Variants in PTPRN2 observed in about 807,000 individuals in gnomAD.
The protein encoded by PTPRN2 is protein tyrosine phosphatase receptor type N2, also known as receptor-type tyrosine-protein phosphatase N2.
In PTPRN2, 74 loss-of-function variants were observed where a neutral mutation model predicts 118.8. The ratio of observed to expected loss-of-function variants is 0.62; its 90% CI spans 0.52 to 0.76. The LOEUF (loss-of-function observed/expected upper bound fraction) is 0.76. Ranked by LOEUF, PTPRN2 falls within the 30% of genes least tolerant of loss-of-function variation. The pLI is 0.00. For synonymous variants in PTPRN2, 641 were observed against 608.0 expected (o/e 1.05, Z -0.80); for missense variants, 1,481 against 1,394.4 (o/e 1.06, Z -0.99).
intron 1 of PTPRN2, among the ~76,000 whole-genome samples, chr7:158,554,135 A>G (rs1826832207): frequency 6.6e-6 from 1 of 152,192 alleles, no homozygotes. Context: ...ATGTGGTGGC[A>G]TGTGCCTGTA....
Position 158,017,464 on chromosome 7 carries a change from G to A in PTPRN2, c.1723+63834C>T, listed in dbSNP as rs118170937. ...GAGAGGGGTGCCCAGGAGCACCTGTGTGCAGGGAGTCCAGGCCTGAACTAG... is the reference window on the plus strand; with the variant it reads ...GAGAGGGGTGCCCAGGAGCACCTGTATGCAGGGAGTCCAGGCCTGAACTAG... On this transcript the variant is annotated intron_variant, in intron 11 of 22. Transcript: ENST00000389418. Among the ~76,000 whole-genome samples the A allele has an allele frequency of 3.7e-3, 559 of 152,312 alleles. 3 individuals are homozygous for A. Among genetic ancestry groups the A allele is most frequent in the Non-Finnish European group, 6.2e-3 (422 of 68,006 alleles).
chr7:157,663,033 T>C (rs1795970551), intron 13 of PTPRN2, among the ~76,000 whole-genome samples: 2 of 151,820 alleles, frequency 1.3e-5, no homozygotes, highest in South Asian at 4.2e-4. Flanking sequence ...AACTGAAGAG[T>C]GTCCTGCCTC....
intron 11 of PTPRN2, among the ~76,000 whole-genome samples, chr7:158,068,020 C>G (rs918199642): frequency 6.6e-6 from 1 of 152,026 alleles, no homozygotes; most frequent in Non-Finnish European, 1.5e-5. Flanking sequence ...TGGGAGATGG[C>G]AGGACCGGGT....
chr7:158,557,324 G>T (rs1241497431), intron 1 of PTPRN2, among the ~76,000 whole-genome samples: 8 of 128,266 alleles, frequency 6.2e-5, no homozygotes, highest in African/African-American at 2.5e-4. Flanking sequence ...CCCGCGCAGG[G>T]CAGGCGGCTC....
chr7:158,295,086 A>G (rs1402624201), intron 3 of PTPRN2, among the ~76,000 whole-genome samples: 1 of 142,684 alleles, frequency 7.0e-6, no homozygotes, highest in Non-Finnish European at 1.5e-5. Flanking sequence ...CTGCCCAGAC[A>G]TTGCACCACA....
intron 12 of PTPRN2, among the ~76,000 whole-genome samples, chr7:157,833,577 C>T (rs1474754844): frequency 6.6e-6 from 1 of 151,708 alleles, no homozygotes; most frequent in Non-Finnish European, 1.5e-5. Context: ...CCATCTATCC[C>T]ATATGATTGT....
At chr7:157,685,442 C>A (rs1797139514) in intron 12 of PTPRN2, among the ~76,000 whole-genome samples, 2 of 152,208 alleles carry the variant, frequency 1.3e-5, no homozygotes, top group African/African-American at 4.8e-5. Context: ...CCAGGCTGTG[C>A]GCGCGGGTGT....
rs1563387386 is a variant in PTPRN2, at chr7:158,521,608, CA to C, written c.113-31824del. Among the ~76,000 whole-genome samples the C allele has an allele frequency of 8.2e-5, 10 of 122,298 alleles. 2 individuals are homozygous for C. The South Asian group carries it at 9.2e-4, about 11-fold the overall frequency. 80.2% of individuals were successfully genotyped at this position (122,298 alleles called of 152,430 possible). On this transcript the variant is annotated intron_variant, in intron 1 of 22. Transcript: ENST00000389418. ...GTCCACGTCACAATGGTGGACTGTC[CA>C]GGTAGTGGCTCAGGAGGGAGGTCCA...
chr7:157,687,560 A>C (rs907741183), intron 12 of PTPRN2, among the ~76,000 whole-genome samples: 6 of 152,168 alleles, frequency 3.9e-5, no homozygotes, highest in Admixed American at 6.5e-5. Flanking sequence ...GCCTCATCCT[A>C]TCTTTGTGTG....
rs536995215 is a variant in PTPRN2 at position 158,122,738 on chromosome 7, G to C, written c.1556+10939C>G. Reference sequence around the variant, plus strand: ...GTCATTGCCCAAAATTACACTACTAGGAAACTCCCAGGAGAAAAGCTCAAA... The same window carrying C: ...GTCATTGCCCAAAATTACACTACTACGAAACTCCCAGGAGAAAAGCTCAAA... On this transcript the variant is annotated intron_variant, in intron 9 of 22. Coordinates refer to ENST00000389418, the MANE Select transcript of PTPRN2 (RefSeq NM_002847.5). 4.2e-4 allele frequency among the ~76,000 whole-genome samples: 64 copies of C among 152,260 alleles called. 1 individual carries two copies. In the South Asian group the frequency reaches 0.013, roughly 30 times the overall value.
intron 12 of PTPRN2, among the ~76,000 whole-genome samples, chr7:157,749,678 TGCGGGG>T: frequency 7.0e-6 from 1 of 142,044 alleles, no homozygotes; most frequent in African/African-American, 2.7e-5. Context: ...GTCCCTGAGC[TGCGGGG>T]TGTCAGGGTG....
At chr7:158,150,158 G>T (rs143609175) in intron 6 of PTPRN2, among the ~76,000 whole-genome samples, 1 of 152,326 alleles carries the variant, frequency 6.6e-6, no homozygotes, top group Admixed American at 6.5e-5. Context: ...TTCCCTGCAG[G>T]CTCCTGTTGC....
At chr7:158,458,560 C>A (rs1046844641) in intron 2 of PTPRN2, among the ~76,000 whole-genome samples, 1 of 152,150 alleles carries the variant, frequency 6.6e-6, no homozygotes, top group Non-Finnish European at 1.5e-5. Flanking sequence ...TGATGTCCCA[C>A]GAAGTCGACC....
In PTPRN2 at chr7:158,390,031, C is replaced by T. The variant is rs141130058; in HGVS notation, c.164-73099G>A. 5.5e-3 allele frequency among the ~76,000 whole-genome samples: 840 copies of T among 152,304 alleles called. 4 individuals carry two copies. Among genetic ancestry groups the T allele is most frequent in the Non-Finnish European group, 7.0e-3 (478 of 68,024 alleles). On this transcript the variant is annotated intron_variant, in intron 2 of 22. Coordinates refer to ENST00000389418, the MANE Select transcript of PTPRN2 (RefSeq NM_002847.5). ...ATCCACAGAAGACAGGAGGATCCTA[C>T]GGAGGGATGAAGCCTCTCAAACGTC...
intron 2 of PTPRN2, among the ~76,000 whole-genome samples, chr7:158,457,687 G>A (rs1376304715): frequency 9.6e-6 from 1 of 104,424 alleles, no homozygotes; most frequent in Non-Finnish European, 2.0e-5. Flanking sequence ...AGCCTGGCCT[G>A]GGGGGAGTCA....
chr7:158,440,858 TGGG>T (rs1037313970), intron 2 of PTPRN2, among the ~76,000 whole-genome samples: 4 of 92,938 alleles, frequency 4.3e-5, no homozygotes, highest in East Asian at 3.1e-4. Flanking sequence ...GGGGTGGTGG[TGGG>T]GGCAGTGGTA....
chr7:158,284,234 CCAGA>C (rs1445843082), intron 3 of PTPRN2, among the ~76,000 whole-genome samples: 9 of 152,334 alleles, frequency 5.9e-5, no homozygotes, highest in Admixed American at 2.0e-4. Context: ...TAGAGAGAAT[CCAGA>C]CAAACAGCTG....
chr7:157,766,082 C>T (rs1385125003), intron 12 of PTPRN2, among the ~76,000 whole-genome samples: 1 of 151,116 alleles, frequency 6.6e-6, no homozygotes, highest in African/African-American at 2.4e-5. Context: ...ATCCGCCCAC[C>T]CATCCATCAT....
intron 19 of PTPRN2, among the ~76,000 whole-genome samples, chr7:157,573,450 T>C (rs1230102972): frequency 6.6e-6 from 1 of 152,258 alleles, no homozygotes; most frequent in Non-Finnish European, 1.5e-5. Context: ...ACGCAGAGAC[T>C]AAGCTCAGCT....
Sources: gnomAD v4.1 joint callset for allele counts (sites outside exome capture counted in the v4.1 genomes callset) on GRCh38, gnomAD v4.1.1 for gene constraint, MANE v1.5 for transcripts, NCBI Gene and HGNC (gene_info 2026-07-23, HGNC 2026-07-21) for gene names.